Variants in AATK observed in about 807,000 individuals in gnomAD.
AATK encodes lemur tail kinase 1.
Under a neutral mutation model 114.3 loss-of-function variants are expected in AATK, and 91 were observed. That is an observed-to-expected ratio of 0.80 (90% confidence interval 0.67 to 0.95). The LOEUF (loss-of-function observed/expected upper bound fraction) is 0.95. Ranked by LOEUF, AATK falls within the 40% of genes least tolerant of loss-of-function variation. AATK has a pLI of 0.00. For missense variants in AATK, 2,176 were observed against 1,965.2 expected (o/e 1.11, Z -2.03); for synonymous variants, 1,075 against 916.5 (o/e 1.17, Z -3.12).
At position 81,118,029 on chromosome 17, in the gene AATK, G is replaced by A. The variant is rs112262951; in HGVS notation, c.*373C>T. 9.5e-4 allele frequency: 203 copies of A among 213,042 alleles called. 1 individual carries two copies. The highest frequency in any genetic ancestry group is 4.8e-3 in the Middle Eastern group (3 of 626). 13.2% of individuals were successfully genotyped at this position (213,042 alleles called of 1,614,324 possible). A position where few individuals can be genotyped will look rare whatever the true frequency, so the allele number is the denominator to read the frequency against. On this transcript the variant is annotated 3_prime_UTR_variant, in exon 14 of 14. Coordinates refer to ENST00000326724, the MANE Select transcript of AATK (RefSeq NM_001080395.3). ...CTGTGAGCACACCGGAGGAGCTGCC[G>A]GATGGGGCATGCGGGTCCTCCGAGG...
intron 9 of AATK, among the ~76,000 whole-genome samples, chr17:81,123,680 G>A (rs565965426): frequency 8.6e-5 from 13 of 151,956 alleles, no homozygotes; most frequent in African/African-American, 4.8e-5. Flanking sequence ...GCTGGAGGGC[G>A]GGCGTGGAGC....
intron 7 of AATK, 167 bp from the exon 8 acceptor site, chr17:81,125,181 C>T (rs2060788771): frequency 1.5e-6 from 1 of 674,524 alleles, no homozygotes; most frequent in Non-Finnish European, 2.6e-6. Flanking sequence ...GCGTTGGAGA[C>T]ACTGCCACCC....
At chr17:81,139,014 ACACC>A (rs960525032) in intron 1 of AATK, among the ~76,000 whole-genome samples, 5 of 151,806 alleles carry the variant, frequency 3.3e-5, no homozygotes, top group African/African-American at 1.2e-4. Flanking sequence ...CGCACCCCAC[ACACC>A]CACACGTGTG....
At chr17:81,163,946 A>G (rs1488303937) in intron 1 of AATK, among the ~76,000 whole-genome samples, 1 of 152,232 alleles carries the variant, frequency 6.6e-6, no homozygotes, top group Non-Finnish European at 1.5e-5. Flanking sequence ...CAGAGCCACA[A>G]GCGTGGGCCC....
At chr17:81,151,036 G>C (rs1198194194) in intron 1 of AATK, among the ~76,000 whole-genome samples, 2 of 152,156 alleles carry the variant, frequency 1.3e-5, no homozygotes, top group Non-Finnish European at 2.9e-5. Context: ...AAGATTCTTG[G>C]GGTTCCTGGG....
intron 13 of AATK, among the ~76,000 whole-genome samples, 180 bp downstream of exon 13, chr17:81,119,200 C>A (rs117951413): frequency 6.7e-5 from 9 of 133,336 alleles, no homozygotes; most frequent in African/African-American, 2.3e-4. Context: ...GAGGGCCAGG[C>A]GAGGGCCAGG....
At position 81,120,853 on chromosome 17, in the gene AATK, G is replaced by C. The variant is rs561185347; in HGVS notation, c.3083C>G (p.Pro1028Arg). 2.5e-6 allele frequency: 4 copies of C among 1,578,598 alleles called. No homozygotes were observed. The highest frequency in any genetic ancestry group is 2.7e-5 in the African/African-American group (2 of 74,246). The change falls in exon 11 of 14, where the codon CCG becomes CGG. Residue 1028 changes from proline to arginine, a missense_variant. By Grantham distance (103) the Pro-to-Arg change is moderately radical (BLOSUM62 -2). Coordinates refer to ENST00000326724, the MANE Select transcript of AATK (RefSeq NM_001080395.3). ...DRAPGPELGLPSTGQPSEQVC... is the reference protein window; with the variant it reads ...DRAPGPELGLRSTGQPSEQVC... ...CTGCTCAGACGGCTGCCCAGTGCTC[G>C]GCAGGCCCAGCTCTGGCCCGGGGGC... is the stretch of plus-strand genomic sequence containing the variant.
chr17:81,119,652 CG>C lies in AATK; in HGVS notation c.3884-73del, dbSNP rs1213396348. 940 of 549,392 alleles carry C rather than the reference CG, an allele frequency of 1.7e-3. 14 individuals carry two copies. The South Asian group carries it at 0.029, about 17-fold the overall frequency. The allele number at this position is 549,392 out of a possible 1,614,324, so 34.0% of individuals were successfully genotyped here. ...CGGCCCGGCCCCGCTCCCACAGTCA[CG>C]GGCCCAGGCCCCGCCTCCCATCATG... On this transcript the variant is annotated intron_variant, in intron 12 of 13. Transcript: ENST00000326724.
intron 1 of AATK, among the ~76,000 whole-genome samples, chr17:81,140,897 TGAGCCGTG>T (rs2061123229): frequency 1.3e-5 from 1 of 79,204 alleles, no homozygotes; most frequent in Non-Finnish European, 2.5e-5. Context: ...CCGTGAGCTG[TGAGCCGTG>T]GGGCCGTGGG....
At chr17:81,162,259 C>G (rs2061436098) in intron 1 of AATK, among the ~76,000 whole-genome samples, 1 of 152,102 alleles carries the variant, frequency 6.6e-6, no homozygotes, top group Non-Finnish European at 1.5e-5. Context: ...CACCTGCAGC[C>G]TAAGGGTCTC....
chr17:81,142,256 CTCTTTTTTT>C (rs2146363632), intron 1 of AATK, among the ~76,000 whole-genome samples: 1 of 151,212 alleles, frequency 6.6e-6, no homozygotes, highest in Non-Finnish European at 1.5e-5. Flanking sequence ...ACCAGGCCCG[CTCTTTTTTT>C]TCTTTTTTCT....
intron 1 of AATK, among the ~76,000 whole-genome samples, chr17:81,147,438 C>T (rs2061237090): frequency 6.6e-6 from 1 of 151,538 alleles, no homozygotes; most frequent in Non-Finnish European, 1.5e-5. Flanking sequence ...AATGGTATAT[C>T]TGCAAAATAA....
At chr17:81,135,254 T>G (rs1212783205) in intron 1 of AATK, among the ~76,000 whole-genome samples, 1 of 152,178 alleles carries the variant, frequency 6.6e-6, no homozygotes, top group Non-Finnish European at 1.5e-5. Flanking sequence ...TCAGGACACC[T>G]GAGCTGAGCC....
chr17:81,138,397 AC>A (rs1171681496), intron 1 of AATK, among the ~76,000 whole-genome samples: 6 of 143,730 alleles, frequency 4.2e-5, no homozygotes, highest in South Asian at 2.2e-4. Flanking sequence ...GTGCACACAC[AC>A]CCCCACACGT....
In AATK at chr17:81,134,425, G is replaced by A. The variant is rs56404732; in HGVS notation, c.132C>T (p.Ala44=). Residue 44 remains alanine (A), a synonymous_variant, in exon 2 of 14, where the codon GCC becomes GCT. Transcript: ENST00000326724. ...GGCAGGCCAGCATGAGGACGATGAC[G>A]GCGAAGAGCCCGGAGAAAGACACAG... ...VVAVSFSGLF[A]VIVLMLACLC... The A allele has an allele frequency of 5.5e-5, 89 of 1,613,154 alleles. No homozygotes were observed. Among genetic ancestry groups the A allele is most frequent in the Non-Finnish European group, 7.2e-5 (85 of 1,179,816 alleles).
chr17:81,131,933 A>G (rs1430948291), intron 2 of AATK: 1 of 1,344,490 alleles, frequency 7.4e-7, no homozygotes. Context: ...GCAGCCTTGG[A>G]CCTTCACCTG....
At chr17:81,145,537 A>C (rs1310992753) in intron 1 of AATK, among the ~76,000 whole-genome samples, 1 of 151,990 alleles carries the variant, frequency 6.6e-6, no homozygotes, top group Non-Finnish European at 1.5e-5. Flanking sequence ...CTTTGAGGCC[A>C]GCCTGACCAA....
intron 1 of AATK, among the ~76,000 whole-genome samples, chr17:81,135,250 C>A (rs1280754505): frequency 6.6e-6 from 1 of 152,190 alleles, no homozygotes; most frequent in Non-Finnish European, 1.5e-5. Flanking sequence ...CAAATCAGGA[C>A]ACCTGAGCTG....
intron 1 of AATK, among the ~76,000 whole-genome samples, chr17:81,137,817 GCA>G (rs1173558718): frequency 2.6e-5 from 4 of 151,952 alleles, no homozygotes; most frequent in East Asian, 1.9e-4. Context: ...GAACGTTCAT[GCA>G]CAGACATGCA....
Sources: gnomAD v4.1 joint callset for allele counts (sites outside exome capture counted in the v4.1 genomes callset) on GRCh38, gnomAD v4.1.1 for gene constraint, MANE v1.5 for transcripts, NCBI Gene and HGNC (gene_info 2026-07-23, HGNC 2026-07-21) for gene names.